The following ARFGEF3 variants were observed in gnomAD, a reference collection of about 807,000 sequenced individuals.
ARFGEF3 encodes the protein brefeldin A-inhibited guanine nucleotide-exchange protein 3.
Under a neutral mutation model 221.7 loss-of-function variants are expected in ARFGEF3, and 96 were observed. That is an observed-to-expected ratio of 0.43 (90% CI 0.37 to 0.51). The LOEUF (loss-of-function observed/expected upper bound fraction) is 0.51, where lower values mean the gene tolerates loss of function less well. Ranked by LOEUF, ARFGEF3 falls within the 20% of genes least tolerant of loss-of-function variation. The pLI, the probability that ARFGEF3 is intolerant of heterozygous loss-of-function variation, is 0.00. For missense variants in ARFGEF3, 2,410 were observed against 2,789.9 expected, an observed-to-expected ratio of 0.86 and a Z score of 3.07; for synonymous variants, 1,145 against 1,126.8, an observed-to-expected ratio of 1.02 and a Z score of -0.32.
chr6:138,266,795 GCC>G (rs938175696), intron 12 of ARFGEF3, among the ~76,000 whole-genome samples: 1 of 135,694 alleles, frequency 7.4e-6, no homozygotes, highest in African/African-American at 2.8e-5. Context: ...CTTGTAGTGA[GCC>G]AAGATCGCAC....
At chr6:138,177,469 T>G (rs937659105) in intron 2 of ARFGEF3, among the ~76,000 whole-genome samples, 3 of 152,160 alleles carry the variant, frequency 2.0e-5, no homozygotes, top group African/African-American at 7.2e-5. Context: ...GAAGTCCTTT[T>G]TGCAATGCAT....
intron 22 of ARFGEF3, among the ~76,000 whole-genome samples, chr6:138,300,962 A>G (rs1779618751): frequency 6.6e-6 from 1 of 152,250 alleles, no homozygotes; most frequent in African/African-American, 2.4e-5. Context: ...TTGCAGGTGC[A>G]ACGTTTGCAT....
intron 4 of ARFGEF3, chr6:138,217,928 A>C: frequency 6.5e-7 from 1 of 1,530,712 alleles, no homozygotes; most frequent in Non-Finnish European, 8.8e-7. Context: ...CATTGGTAGC[A>C]GAATTGCCTT....
intron 2 of ARFGEF3, among the ~76,000 whole-genome samples, chr6:138,200,040 G>A (rs1777504041): frequency 1.3e-5 from 2 of 152,098 alleles, no homozygotes; most frequent in South Asian, 4.1e-4. Context: ...ATTACATTAA[G>A]GTATGTCCCC....
intron 2 of ARFGEF3, among the ~76,000 whole-genome samples, chr6:138,186,365 T>A (rs2114458482): frequency 6.6e-6 from 1 of 152,322 alleles, no homozygotes; most frequent in Non-Finnish European, 1.5e-5. Flanking sequence ...AGCACTGATA[T>A]CTCCAGGATT....
chr6:138,294,915 A>G (rs1779479259), intron 20 of ARFGEF3, among the ~76,000 whole-genome samples: 1 of 152,214 alleles, frequency 6.6e-6, no homozygotes. Flanking sequence ...TTAGGAATCT[A>G]AAGTTCTAAG....
intron 11 of ARFGEF3, 116 bp from the exon 12 acceptor site, chr6:138,262,585 T>C (rs1562371598): frequency 9.6e-7 from 1 of 1,040,848 alleles, no homozygotes; most frequent in Admixed American, 2.6e-5. Flanking sequence ...TTTATTCAAA[T>C]CAGACTATCT....
At chr6:138,260,155 T>C (rs1778761540) in intron 10 of ARFGEF3, among the ~76,000 whole-genome samples, 1 of 152,210 alleles carries the variant, frequency 6.6e-6, no homozygotes, top group East Asian at 1.9e-4. Flanking sequence ...CCTGCCTGAC[T>C]TTAGCCCCAG....
At chr6:138,255,397 C>A in intron 9 of ARFGEF3, 39 bp from the exon 10 acceptor site, 2 of 1,455,430 alleles carry the variant, frequency 1.4e-6, no homozygotes, top group Non-Finnish European at 1.9e-6. Flanking sequence ...TATCATTTGG[C>A]TCGTGGGGAA....
intron 9 of ARFGEF3, 106 bp from the exon 10 acceptor site, chr6:138,255,330 G>A: frequency 2.6e-6 from 2 of 757,228 alleles, no homozygotes; most frequent in Non-Finnish European, 4.2e-6. Flanking sequence ...AGAAGAAGAA[G>A]TAAAGAGCCG....
chr6:138,245,156 G>C (rs1258197307), intron 7 of ARFGEF3, among the ~76,000 whole-genome samples: 2 of 152,080 alleles, frequency 1.3e-5, no homozygotes, highest in African/African-American at 4.8e-5. Flanking sequence ...CAAAAAATTA[G>C]CTGGGTGTGG....
At chr6:138,173,268 C>T (rs915085434) in intron 2 of ARFGEF3, among the ~76,000 whole-genome samples, 1 of 151,862 alleles carries the variant, frequency 6.6e-6, no homozygotes, top group Non-Finnish European at 1.5e-5. Flanking sequence ...GAATTACAGC[C>T]TTCACAATTA....
At chr6:138,231,906 T>A (rs559654391) in intron 5 of ARFGEF3, among the ~76,000 whole-genome samples, 1 of 152,226 alleles carries the variant, frequency 6.6e-6, no homozygotes, top group Admixed American at 6.5e-5. Context: ...AAATTTAACT[T>A]GCTTAATTAA....
At position 138,340,802 on chromosome 6, in the gene ARFGEF3, T is replaced by C. The variant is rs781538112; in HGVS notation, c.*4316T>C. ...TCTCTGACAACATGCTCTAAGTCCA[T>C]AGAGTAAGCACTCTAGTATGAAAAA... On this transcript the variant is annotated 3_prime_UTR_variant, in exon 34 of 34. Coordinates refer to ENST00000251691, the MANE Select transcript of ARFGEF3 (RefSeq NM_020340.5). 3 of 152,020 alleles carry C rather than the reference T, an allele frequency of 2.0e-5. No individual in the cohort carries two copies. Among genetic ancestry groups the C allele is most frequent in the Non-Finnish European group, 2.9e-5 (2 of 68,010 alleles). The allele number at this position is 152,020 out of a possible 1,614,324, so 9.4% of individuals were successfully genotyped here.
At chr6:138,202,000 A>G (rs1049982423) in intron 2 of ARFGEF3, among the ~76,000 whole-genome samples, 9 of 152,212 alleles carry the variant, frequency 5.9e-5, no homozygotes, top group African/African-American at 2.2e-4. Context: ...AGTCTCCTTG[A>G]CATGACCAGA....
intron 16 of ARFGEF3, 33 bp downstream of exon 16, chr6:138,286,949 T>G (rs373413649): frequency 5.0e-6 from 8 of 1,607,568 alleles, no homozygotes; most frequent in Non-Finnish European, 6.8e-6. Context: ...CTGGCCGTGG[T>G]CCTGCAGAAC....
rs771884210 is a variant in ARFGEF3, at chr6:138,280,093, A to G, written c.2390A>G (p.Asn797Ser). The change falls in exon 14 of 34, where the codon AAC (asparagine) becomes AGC (serine). Residue 797 changes from asparagine to serine, a missense_variant. By Grantham distance (46) the Asn-to-Ser change is conservative. Around this residue, in one of 5 missense-constraint regions of ARFGEF3, gnomAD observed 594 missense variants for 734.3 expected, o/e 0.81. Transcript: ENST00000251691. Reference sequence around the variant, plus strand: ...CTCTACCATCAGGTGCTCGACAGGAACATGCTTGGAGAGGCTGGCTATTGG... The same window carrying G: ...CTCTACCATCAGGTGCTCGACAGGAGCATGCTTGGAGAGGCTGGCTATTGG... ...EELYHQVLDR[N>S]MLGEAGYWGS... The G allele has an allele frequency of 6.2e-7, 1 of 1,613,840 alleles. No homozygotes were observed. Among genetic ancestry groups the G allele is most frequent in the Non-Finnish European group, 8.5e-7 (1 of 1,179,828 alleles).
chr6:138,234,974 CTTCT>C (rs1562362892), intron 5 of ARFGEF3, among the ~76,000 whole-genome samples: 1 of 152,084 alleles, frequency 6.6e-6, no homozygotes, highest in East Asian at 1.9e-4. Context: ...ATTGTGGCAT[CTTCT>C]TTAATATTTG....
chr6:138,287,121 T>A lies in ARFGEF3; in HGVS notation c.2833T>A (p.Ser945Thr). Residue 945 changes from serine (S) to threonine (T), a missense_variant, in exon 17 of 34, where the codon TCC (serine) becomes ACC (threonine). Around this residue, in one of 5 missense-constraint regions of ARFGEF3, gnomAD observed 594 missense variants for 734.3 expected, o/e 0.81. Transcript: ENST00000251691. ...AGCCCTTGCCCAGATGGCAGCTGCC[T>A]CCTGTGTCCAAGAAGAAAAAGAAGA... ...ASALAQMAAA[S>T]CVQEEKEERE... is the part of the protein sequence containing the mutation. 6.3e-7 allele frequency: 1 copy of A among 1,577,392 alleles called. No individual in the cohort carries two copies. The highest frequency in any genetic ancestry group is 8.6e-7 in the Non-Finnish European group (1 of 1,161,084).
Sources: gnomAD v4.1 joint callset for allele counts (sites outside exome capture counted in the v4.1 genomes callset) on GRCh38, gnomAD v4.1.1 for gene constraint, gnomAD v4.1.1 regional missense constraint, MANE v1.5 for transcripts, NCBI Gene and HGNC (gene_info 2026-07-23, HGNC 2026-07-21) for gene names.